Variants in IL15 observed in about 807,000 individuals in gnomAD.
IL15 encodes the protein interleukin 15.
A neutral mutation model predicts 19.6 loss-of-function variants in IL15; 11 were observed. That is an observed-to-expected ratio of 0.56 (90% CI 0.35 to 0.93). The LOEUF (loss-of-function observed/expected upper bound fraction) is 0.93. IL15 is among the 40% of genes least tolerant of loss of function. The pLI, the probability that IL15 is intolerant of heterozygous loss-of-function variation, is 0.01. For missense variants in IL15, 197 were observed against 186.5 expected (o/e 1.06, Z -0.33); for synonymous variants, 58 against 59.6 (o/e 0.97, Z 0.12).
intron 2 of IL15, among the ~76,000 whole-genome samples, chr4:141,663,789 T>C (rs1309455112): frequency 6.6e-6 from 1 of 152,218 alleles, no homozygotes. Context: ...TTCTGGCTCC[T>C]ATGACCTGCC....
chr4:141,671,054 C>T (rs574076489), intron 2 of IL15, among the ~76,000 whole-genome samples: 4 of 152,274 alleles, frequency 2.6e-5, no homozygotes, highest in South Asian at 4.1e-4. Flanking sequence ...TCCATTCATC[C>T]ATCCGTCTAA....
chr4:141,701,601 A>T (rs1265039522), intron 2 of IL15, among the ~76,000 whole-genome samples: 1 of 152,180 alleles, frequency 6.6e-6, no homozygotes, highest in Non-Finnish European at 1.5e-5. Flanking sequence ...TTCAGGCTTC[A>T]GTCCAATAGG....
At chr4:141,726,463 G>A (rs1175226882) in intron 5 of IL15, among the ~76,000 whole-genome samples, 1 of 152,184 alleles carries the variant, frequency 6.6e-6, no homozygotes, top group Non-Finnish European at 1.5e-5. Context: ...TGGCAAGGAT[G>A]TGGAGAAACT....
At chr4:141,638,705 G>A (rs1578978904) in intron 1 of IL15, among the ~76,000 whole-genome samples, 1 of 152,174 alleles carries the variant, frequency 6.6e-6, no homozygotes, top group South Asian at 2.1e-4. Flanking sequence ...TTTGGAAGTG[G>A]AAGGTTTTAA....
chr4:141,680,994 T>TA (rs1465166330), intron 2 of IL15, among the ~76,000 whole-genome samples: 1 of 152,212 alleles, frequency 6.6e-6, no homozygotes, highest in Non-Finnish European at 1.5e-5. Flanking sequence ...GTTCTCCACT[T>TA]ACATTTTGTG....
chr4:141,639,262 G>A (rs557169104), intron 1 of IL15, among the ~76,000 whole-genome samples: 143 of 152,214 alleles, frequency 9.4e-4, no homozygotes, highest in African/African-American at 3.1e-3. Context: ...CAAATATTTC[G>A]TACAATTTGA....
intron 5 of IL15, among the ~76,000 whole-genome samples, chr4:141,724,397 T>A (rs1730191386): frequency 6.6e-6 from 1 of 151,984 alleles, no homozygotes; most frequent in African/African-American, 2.4e-5. Context: ...TCTAAGTTAC[T>A]GCTTCAAGAA....
At chr4:141,727,857 A>G (rs1407300620) in intron 5 of IL15, 83 bp from the exon 6 acceptor site, 1 of 699,752 alleles carries the variant, frequency 1.4e-6, no homozygotes, top group East Asian at 2.7e-5. Flanking sequence ...ATTAAAAACA[A>G]TTTAATGTTT....
intron 2 of IL15, among the ~76,000 whole-genome samples, chr4:141,659,652 T>C (rs1027935012): frequency 1.3e-5 from 2 of 152,240 alleles, no homozygotes; most frequent in Non-Finnish European, 1.5e-5. Context: ...GAGATATTGA[T>C]GGAAATGAAT....
At chr4:141,714,308 T>A (rs981505886) in intron 2 of IL15, among the ~76,000 whole-genome samples, 6 of 152,214 alleles carry the variant, frequency 3.9e-5, no homozygotes, top group African/African-American at 7.2e-5. Flanking sequence ...CATCTTCACT[T>A]GCTTATTAGA....
chr4:141,673,061 C>T (rs144641367), intron 2 of IL15, among the ~76,000 whole-genome samples: 59 of 152,272 alleles, frequency 3.9e-4, no homozygotes, highest in African/African-American at 1.4e-3. Context: ...TAAGGAGAGG[C>T]GTGATGCTGA....
chr4:141,685,576 T>C (rs1459587253), intron 2 of IL15, among the ~76,000 whole-genome samples: 1 of 152,218 alleles, frequency 6.6e-6, no homozygotes, highest in Non-Finnish European at 1.5e-5. Flanking sequence ...TTTTCCGAGA[T>C]ACAAATTTAT....
intron 5 of IL15, among the ~76,000 whole-genome samples, chr4:141,725,094 C>G (rs1730214696): frequency 6.6e-6 from 1 of 152,070 alleles, no homozygotes; most frequent in Admixed American, 6.6e-5. Flanking sequence ...GAATTATACA[C>G]CATGACCGAG....
intron 1 of IL15, among the ~76,000 whole-genome samples, chr4:141,654,906 A>G (rs1727539020): frequency 6.6e-6 from 1 of 152,180 alleles, no homozygotes; most frequent in South Asian, 2.1e-4. Context: ...GCCCATATTG[A>G]TAAAATTGAA....
chr4:141,690,367 G>GA (rs962056716), intron 2 of IL15, among the ~76,000 whole-genome samples: 1 of 152,198 alleles, frequency 6.6e-6, no homozygotes, highest in African/African-American at 2.4e-5. Flanking sequence ...CCAGGCAGAG[G>GA]AGTCGCCGAG....
chr4:141,663,045 C>G lies in IL15; in HGVS notation c.-100+6738C>G, dbSNP rs552057061. ...AAAAAAGTAATCATTAAAAAAGTAA[C>G]TCATTAAAAAAATAATATCATGATC... On this transcript the variant is annotated intron_variant, in intron 2 of 7. Transcript: ENST00000320650. Among the ~76,000 whole-genome samples the G allele has an allele frequency of 1.6e-3, 243 of 151,622 alleles. 2 individuals carry two copies. The highest frequency in any genetic ancestry group is 5.7e-3 in the African/African-American group (235 of 41,358).
In IL15 at chr4:141,713,086, G is replaced by A. The variant is rs865996713; in HGVS notation, c.-99-6280G>A. On this transcript the variant is annotated intron_variant, in intron 2 of 7. Transcript: ENST00000320650. ...ACCCAAGTTATTATAGTTTGTATTG[G>A]GGCTTATTTAGCCTTGATATTGAAT... 3.9e-5 allele frequency among the ~76,000 whole-genome samples: 6 copies of A among 152,092 alleles called. No homozygotes were observed. In the South Asian group the frequency reaches 8.3e-4, roughly 21 times the overall value.
rs146307449 is a variant in IL15 at position 141,709,596 on chromosome 4, A to G, written c.-99-9770A>G. Among the ~76,000 whole-genome samples, 3 of 152,334 alleles carry G rather than the reference A, an allele frequency of 2.0e-5. No individual in the cohort carries two copies. The East Asian group carries it at 5.8e-4, about 29-fold the overall frequency. ...TTTTTGAGAGCTAGTTTACTGGCAT[A>G]TCAATGCTAGCCTTACTGATTTCTG... On this transcript the variant is annotated intron_variant, in intron 2 of 7. Coordinates refer to ENST00000320650, the MANE Select transcript of IL15 (RefSeq NM_000585.5).
chr4:141,704,750 A>T (rs1249701493), intron 2 of IL15: 1 of 164,420 alleles, frequency 6.1e-6, no homozygotes, highest in Non-Finnish European at 1.3e-5. Context: ...TAATTTCTTT[A>T]CTCATTATCA....
Sources: gnomAD v4.1 joint callset for allele counts (sites outside exome capture counted in the v4.1 genomes callset) on GRCh38, gnomAD v4.1.1 for gene constraint, MANE v1.5 for transcripts, NCBI Gene and HGNC (gene_info 2026-07-23, HGNC 2026-07-21) for gene names.